Variants in GPR149 observed in about 807,000 individuals in gnomAD.
The protein encoded by GPR149 is probable G protein-coupled receptor 149.
In GPR149, 50 loss-of-function variants were observed where a neutral mutation model predicts 50.2. The ratio of observed to expected loss-of-function variants is 1.00; its 90% CI spans 0.79 to 1.26. GPR149 has a LOEUF of 1.26. Among genes scored for constraint, GPR149 ranks in the 50% most tolerant of loss-of-function variants. The probability of loss-of-function intolerance (pLI) is 0.00; values close to 1 mark genes in which losing one functional copy is unlikely to be tolerated. For missense variants in GPR149, 983 were observed against 895.4 expected (o/e 1.10, Z -1.25); for synonymous variants, 405 against 358.2 (o/e 1.13, Z -1.48).
At chr3:154,356,030 G>A (rs748042179) in intron 3 of GPR149, among the ~76,000 whole-genome samples, 90 of 152,178 alleles carry the variant, frequency 5.9e-4, no homozygotes, top group Non-Finnish European at 1.1e-3. Flanking sequence ...AAATAGAGTA[G>A]GCAGTGTCCT....
intron 3 of GPR149, among the ~76,000 whole-genome samples, chr3:154,346,685 T>C (rs998888638): frequency 2.0e-5 from 3 of 151,988 alleles, no homozygotes; most frequent in African/African-American, 4.8e-5. Flanking sequence ...CTGCAATCTC[T>C]GCCTCTTTCA....
At chr3:154,353,106 T>C in intron 3 of GPR149, 1 of 1,475,392 alleles carries the variant, frequency 6.8e-7, no homozygotes, top group Non-Finnish European at 9.5e-7. Context: ...CTGTTTTATG[T>C]GTGGATTCAT....
intron 3 of GPR149, among the ~76,000 whole-genome samples, chr3:154,356,521 T>G (rs1319226011): frequency 2.6e-5 from 4 of 152,152 alleles, no homozygotes; most frequent in Non-Finnish European, 5.9e-5. Flanking sequence ...ATCACAAGCA[T>G]TCTTGTACAC....
intron 3 of GPR149, among the ~76,000 whole-genome samples, chr3:154,387,361 C>T (rs1367363231): frequency 6.6e-6 from 1 of 152,204 alleles, no homozygotes; most frequent in Non-Finnish European, 1.5e-5. Flanking sequence ...CTCTGAGTTA[C>T]TTGAGAACAA....
At chr3:154,393,839 A>G (rs1171782944) in intron 3 of GPR149, among the ~76,000 whole-genome samples, 1 of 152,024 alleles carries the variant, frequency 6.6e-6, no homozygotes, top group Non-Finnish European at 1.5e-5. Flanking sequence ...AAAATAATAA[A>G]ATACTTAGGA....
At chr3:154,416,564 T>A (rs990880829) in intron 3 of GPR149, among the ~76,000 whole-genome samples, 1 of 151,944 alleles carries the variant, frequency 6.6e-6, no homozygotes, top group South Asian at 2.1e-4. Flanking sequence ...AATAATATTT[T>A]AAAAATACTA....
chr3:154,371,530 A>G (rs1199763552), intron 3 of GPR149, among the ~76,000 whole-genome samples: 1 of 152,132 alleles, frequency 6.6e-6, no homozygotes, highest in East Asian at 1.9e-4. Context: ...AATTATCACT[A>G]AAATTAAATG....
At chr3:154,343,871 G>A (rs701139) in intron 3 of GPR149, among the ~76,000 whole-genome samples, 67,452 of 151,612 alleles carry the variant, frequency 0.44, 15,228 homozygotes, top group East Asian at 0.5. Flanking sequence ...GCCAGCTACT[G>A]CGGAGGCTGA....
chr3:154,341,306 T>C (rs1368540248), intron 3 of GPR149, among the ~76,000 whole-genome samples: 1 of 44,376 alleles, frequency 2.3e-5, no homozygotes, highest in Non-Finnish European at 5.3e-5. Context: ...TATATATATA[T>C]ATATATATAT....
At chr3:154,399,954 T>C (rs1255669439) in intron 3 of GPR149, among the ~76,000 whole-genome samples, 1 of 152,194 alleles carries the variant, frequency 6.6e-6, no homozygotes, top group Non-Finnish European at 1.5e-5. Flanking sequence ...ACTATTATCA[T>C]ATACGTGTGT....
At position 154,336,997 on chromosome 3, in the gene GPR149, C is replaced by T. The variant is rs1713669192; in HGVS notation, c.*702G>A. On this transcript the variant is annotated 3_prime_UTR_variant, in exon 4 of 4. Transcript: ENST00000389740. ...GAGTTAAAGATACTTCTAATTCCAC[C>T]TCTAACACACAATATATTTGTTTTA... is the stretch of plus-strand genomic sequence containing the variant. The T allele has an allele frequency of 6.6e-6, 1 of 151,882 alleles. No homozygotes were observed. The highest frequency in any genetic ancestry group is 1.5e-5 in the Non-Finnish European group (1 of 67,940). 9.4% of individuals were successfully genotyped at this position (151,882 alleles called of 1,614,324 possible).
At chr3:154,368,529 C>T (rs2108399405) in intron 3 of GPR149, among the ~76,000 whole-genome samples, 1 of 152,344 alleles carries the variant, frequency 6.6e-6, no homozygotes, top group African/African-American at 2.4e-5. Context: ...CATAGGTTTT[C>T]CCCTTCCTTA....
chr3:154,380,301 C>T (rs1326049832), intron 3 of GPR149, among the ~76,000 whole-genome samples: 1 of 151,972 alleles, frequency 6.6e-6, no homozygotes, highest in Non-Finnish European at 1.5e-5. Flanking sequence ...AGAAAGTTAA[C>T]TGCATGCATT....
chr3:154,365,006 C>G (rs570928721), intron 3 of GPR149, among the ~76,000 whole-genome samples: 1 of 152,318 alleles, frequency 6.6e-6, no homozygotes, highest in East Asian at 1.9e-4. Context: ...CATGACTCTG[C>G]TAGGCATTGC....
chr3:154,390,270 A>C (rs914280891), intron 3 of GPR149, among the ~76,000 whole-genome samples: 1 of 152,214 alleles, frequency 6.6e-6, no homozygotes, highest in African/African-American at 2.4e-5. Context: ...AAACAGAGAT[A>C]TGATTTACCT....
intron 3 of GPR149, among the ~76,000 whole-genome samples, chr3:154,380,229 C>G (rs901801822): frequency 3.4e-5 from 5 of 148,894 alleles, no homozygotes; most frequent in Admixed American, 2.0e-4. Flanking sequence ...ATTGGCTAAA[C>G]TGGCAAGTAT....
intron 3 of GPR149, chr3:154,353,591 T>C (rs775257768): frequency 1.1e-4 from 131 of 1,156,296 alleles, no homozygotes; most frequent in Non-Finnish European, 1.6e-4. Flanking sequence ...GGCTTTGATA[T>C]GGTATTGCAC....
chr3:154,336,998 T>C lies in GPR149; in HGVS notation c.*701A>G, dbSNP rs995989385. 2.0e-5 allele frequency: 3 copies of C among 152,038 alleles called. No individual in the cohort carries two copies. Among genetic ancestry groups the C allele is most frequent in the Non-Finnish European group, 2.9e-5 (2 of 67,962 alleles). The allele number at this position is 152,038 out of a possible 1,614,324, so 9.4% of individuals were successfully genotyped here. A position where few individuals can be genotyped will look rare whatever the true frequency, so the allele number is the denominator to read the frequency against. ...AGTTAAAGATACTTCTAATTCCACC[T>C]CTAACACACAATATATTTGTTTTAT... On this transcript the variant is annotated 3_prime_UTR_variant, in exon 4 of 4. Transcript: ENST00000389740.
intron 3 of GPR149, among the ~76,000 whole-genome samples, chr3:154,363,801 T>A (rs1278038055): frequency 6.6e-6 from 1 of 152,206 alleles, no homozygotes; most frequent in Admixed American, 6.5e-5. Flanking sequence ...CAAATCAGCG[T>A]GCATTCCCCT....
Sources: allele counts gnomAD v4.1 joint callset (sites outside exome capture counted in the v4.1 genomes callset), GRCh38; gene constraint gnomAD v4.1.1; transcripts MANE v1.5; gene names NCBI Gene and HGNC (gene_info 2026-07-23, HGNC 2026-07-21).